JMJD1C: variants seen among roughly 807,000 people sequenced by gnomAD.
JMJD1C encodes the protein jumonji domain-containing protein 1C.
A neutral mutation model predicts 245.3 loss-of-function variants in JMJD1C; 31 were observed. That is an observed-to-expected ratio of 0.13 (90% CI 0.09 to 0.17). The LOEUF (loss-of-function observed/expected upper bound fraction) is 0.17, where lower values mean the gene tolerates loss of function less well. JMJD1C is among the 10% of genes least tolerant of loss of function. The probability of loss-of-function intolerance (pLI) is 1.00; values close to 1 mark genes in which losing one functional copy is unlikely to be tolerated. For missense variants in JMJD1C, 2,691 were observed against 3,000.2 expected (o/e 0.90, Z 2.41); for synonymous variants, 1,057 against 1,017.4 (o/e 1.04, Z -0.74).
chr10:63,413,045 T>C (rs1949579905), intron 1 of JMJD1C, among the ~76,000 whole-genome samples: 1 of 151,330 alleles, frequency 6.6e-6, no homozygotes, highest in African/African-American at 2.4e-5. Flanking sequence ...ATCAAAACAA[T>C]ACCACAAAGT....
At position 63,427,583 on chromosome 10, in the gene JMJD1C, T is replaced by A. The variant is rs192794125; in HGVS notation, c.168+37912A>T. ...CCACAGAATCAGACCATGACCACCT[T>A]CACCTGGAACATCAACCATGCCCGG... is the stretch of plus-strand genomic sequence containing the variant. On this transcript the variant is annotated intron_variant, in intron 1 of 25. Transcript: ENST00000399262. 1.2e-3 allele frequency: 1,695 copies of A among 1,406,412 alleles called. 22 individuals are homozygous for A. The African/African-American group carries it at 0.022, about 18-fold the overall frequency. 87.1% of individuals were successfully genotyped at this position (1,406,412 alleles called of 1,614,324 possible). A position where few individuals can be genotyped will look rare whatever the true frequency, so the allele number is the denominator to read the frequency against.
intron 3 of JMJD1C, among the ~76,000 whole-genome samples, chr10:63,244,491 T>C (rs117763081): frequency 4.6e-4 from 70 of 152,198 alleles, no homozygotes; most frequent in Non-Finnish European, 9.0e-4. Flanking sequence ...AATCCTTCAA[T>C]GCAAAGACAT....
intron 2 of JMJD1C, among the ~76,000 whole-genome samples, chr10:63,374,097 A>C (rs1946530597): frequency 6.6e-6 from 1 of 152,198 alleles, no homozygotes; most frequent in Non-Finnish European, 1.5e-5. Flanking sequence ...ACAATTCAAA[A>C]AGACTTACTA....
At position 63,329,208 on chromosome 10, in the gene JMJD1C, G is replaced by T. The variant is rs1020505773; in HGVS notation, c.333+51110C>A. On this transcript the variant is annotated intron_variant, in intron 2 of 25. Coordinates refer to ENST00000399262, the MANE Select transcript of JMJD1C (RefSeq NM_032776.3). The stretch of plus-strand genomic sequence containing the variant: ...GAGGTGGGAGAATGGCTTGAGCCTG[G>T]GAGGTTGAAACTGTAGTAAGCCATG... Among the ~76,000 whole-genome samples, 3 of 151,936 alleles carry T rather than the reference G, an allele frequency of 2.0e-5. No individual in the cohort carries two copies. The East Asian group carries it at 5.8e-4, about 29-fold the overall frequency.
intron 2 of JMJD1C, among the ~76,000 whole-genome samples, chr10:63,306,218 T>C (rs955628885): frequency 7.9e-5 from 12 of 152,138 alleles, no homozygotes; most frequent in Non-Finnish European, 1.5e-4. Flanking sequence ...GCCTCCAGTG[T>C]AGCTGGGACT....
chr10:63,405,462 A>G (rs1432750704), intron 1 of JMJD1C, among the ~76,000 whole-genome samples: 1 of 152,002 alleles, frequency 6.6e-6, no homozygotes. Context: ...CTGGGATTAC[A>G]GGTGTGCGCC....
chr10:63,322,086 T>C lies in JMJD1C; in HGVS notation c.334-57322A>G, dbSNP rs569394891. Among the ~76,000 whole-genome samples, 9 of 152,326 alleles carry C rather than the reference T, an allele frequency of 5.9e-5. No individual in the cohort carries two copies. The South Asian group carries it at 1.7e-3, about 28-fold the overall frequency. On this transcript the variant is annotated intron_variant, in intron 2 of 25. Coordinates refer to ENST00000399262, the MANE Select transcript of JMJD1C (RefSeq NM_032776.3). ...TCATCTGAGTATATTAAGAGGATTT[T>C]CCCCCAAAGCTTTCAAAACAGTTCC...
At chr10:63,374,673 T>C (rs1482370261) in intron 2 of JMJD1C, among the ~76,000 whole-genome samples, 3 of 152,170 alleles carry the variant, frequency 2.0e-5, no homozygotes, top group African/African-American at 7.2e-5. Flanking sequence ...TAATGCTCCC[T>C]AGAACTGGAA....
chr10:63,488,087 C>T (rs539547670), intron 1 of JMJD1C, among the ~76,000 whole-genome samples: 1 of 152,168 alleles, frequency 6.6e-6, no homozygotes, highest in East Asian at 1.9e-4. Flanking sequence ...AACCAAAACG[C>T]AGGAGCCATG....
At chr10:63,222,654 G>A (rs1026749180) in intron 3 of JMJD1C, 30 of 1,534,304 alleles carry the variant, frequency 2.0e-5, no homozygotes, top group East Asian at 1.6e-4. Flanking sequence ...AATAGAGATC[G>A]GTGTGTAGAG....
rs77026823 is a variant in JMJD1C at position 63,506,684 on chromosome 10, C to T, written n.113+15054G>A. On this transcript the variant is annotated intron_variant and non_coding_transcript_variant, in intron 1 of 3. Coordinates refer to the JMJD1C transcript ENST00000633035. ...TACAGAGTTCCCATTTACCGCCTGT[C>T]CCTACACAGACACAACCTCCTCCAA... is the stretch of plus-strand genomic sequence containing the variant. Among the ~76,000 whole-genome samples the T allele has an allele frequency of 1.2e-3, 186 of 152,262 alleles. 1 individual carries two copies. In the East Asian group the frequency reaches 0.016, roughly 13 times the overall value.
rs374529169 is a variant in JMJD1C, at chr10:63,369,383, A to AC, written c.333+10934dup. Among the ~76,000 whole-genome samples the AC allele has an allele frequency of 7.4e-3, 1,117 of 150,400 alleles. 6 individuals are homozygous for AC. The highest frequency in any genetic ancestry group is 0.013 in the African/African-American group (519 of 40,936). ...TCTCGAACTCCTAACCTCAAGTGAT[A>AC]CCCCCCACCTCAGCCTCCCAAAGTG... On this transcript the variant is annotated intron_variant, in intron 2 of 25. Transcript: ENST00000399262.
chr10:63,365,100 G>C (rs1945726774), intron 2 of JMJD1C, among the ~76,000 whole-genome samples: 1 of 152,162 alleles, frequency 6.6e-6, no homozygotes, highest in African/African-American at 2.4e-5. Flanking sequence ...ATCAGGACCT[G>C]TTTTCTCATA....
chr10:63,379,284 T>C (rs997392761), intron 2 of JMJD1C, among the ~76,000 whole-genome samples: 3 of 152,146 alleles, frequency 2.0e-5, no homozygotes, highest in Non-Finnish European at 4.4e-5. Flanking sequence ...CAGCAGCTTT[T>C]AATATATTTC....
chr10:63,500,347 C>CA (rs961165719), intron 1 of JMJD1C, among the ~76,000 whole-genome samples: 3 of 151,444 alleles, frequency 2.0e-5, no homozygotes, highest in African/African-American at 7.3e-5. Context: ...TGCTTGAGCC[C>CA]AGGAAGCAGA....
intron 1 of JMJD1C, among the ~76,000 whole-genome samples, chr10:63,413,639 C>CAA (rs1564894171): frequency 6.6e-6 from 1 of 152,102 alleles, no homozygotes; most frequent in Non-Finnish European, 1.5e-5. Flanking sequence ...AAACGGTTAT[C>CAA]AAGCGATAAG....
rs139232339 is a variant in JMJD1C at position 63,335,023 on chromosome 10, G to GAAAAAA, written c.333+45289_333+45294dup. 1.6e-4 allele frequency among the ~76,000 whole-genome samples: 16 copies of GAAAAAA among 100,848 alleles called. 2 individuals are homozygous for GAAAAAA. The highest frequency in any genetic ancestry group is 6.1e-4 in the African/African-American group (15 of 24,436). The allele number at this position is 100,848 out of a possible 152,430, so 66.2% of individuals were successfully genotyped here. ...ATGCCCAGCCAAGACTCTGTCTTTG[G>GAAAAAA]AAAAAAATAAAAAAAAAAAAAAATA... On this transcript the variant is annotated intron_variant, in intron 2 of 25. Coordinates refer to ENST00000399262, the MANE Select transcript of JMJD1C (RefSeq NM_032776.3).
At chr10:63,415,240 TA>T (rs1949733460) in intron 1 of JMJD1C, among the ~76,000 whole-genome samples, 1 of 145,716 alleles carries the variant, frequency 6.9e-6, no homozygotes, top group South Asian at 2.2e-4. Context: ...TATACCTCAT[TA>T]TGATTAAATC....
intron 8 of JMJD1C, among the ~76,000 whole-genome samples, chr10:63,212,445 A>C (rs894863435): frequency 6.6e-6 from 1 of 152,136 alleles, no homozygotes. Context: ...CAATTTTTCC[A>C]TTTTTTATAC....
Sources: gnomAD v4.1 joint callset for allele counts (sites outside exome capture counted in the v4.1 genomes callset) on GRCh38, gnomAD v4.1.1 for gene constraint, MANE v1.5 for transcripts, NCBI Gene and HGNC (gene_info 2026-07-23, HGNC 2026-07-21) for gene names.